NFILZ: variants seen among roughly 807,000 people sequenced by gnomAD.
The protein encoded by NFILZ is NFIL3 like protein.
intron 3 of NFILZ, among the ~76,000 whole-genome samples, chr19:8,673,740 C>T (rs1283001120): frequency 6.6e-6 from 1 of 151,994 alleles, no homozygotes; most frequent in South Asian, 2.1e-4. Context: ...CACTGGAGTC[C>T]CTTCTGTGAC....
At chr19:8,653,038 T>TTCTTTCTTTCTTTCTCTCTCCCTCTCTC (rs1555747925) in intron 3 of NFILZ, among the ~76,000 whole-genome samples, 1 of 90,594 alleles carries the variant, frequency 1.1e-5, no homozygotes, top group Non-Finnish European at 2.2e-5. Context: ...CTTTCTTTCT[T>TTCTTTCTTTCTTTCTCTCTCCCTCTCTC]TCTCTCTCTC....
chr19:8,658,475 A>G lies in NFILZ; in HGVS notation c.-163-16076A>G, dbSNP rs530805369. On this transcript the variant is annotated intron_variant, in intron 3 of 5. Transcript: ENST00000691075. ...TTCCCAAGTGAGGATAACAAAAAACATTGACAACTTTCCCCTGGGTTTAGA... is the reference window on the plus strand; with the variant it reads ...TTCCCAAGTGAGGATAACAAAAAACGTTGACAACTTTCCCCTGGGTTTAGA... Among the ~76,000 whole-genome samples the G allele has an allele frequency of 1.2e-4, 18 of 152,092 alleles. No homozygotes were observed. The South Asian group carries it at 3.1e-3, about 26-fold the overall frequency.
intron 3 of NFILZ, among the ~76,000 whole-genome samples, chr19:8,666,376 A>G (rs1555749789): frequency 6.6e-6 from 1 of 151,288 alleles, no homozygotes; most frequent in Non-Finnish European, 1.5e-5. Context: ...AGGTCTCACT[A>G]TGTTGCCCAG....
chr19:8,653,034 TTCTTTC>T (rs2042975012), intron 3 of NFILZ, among the ~76,000 whole-genome samples: 2 of 57,412 alleles, frequency 3.5e-5, no homozygotes, highest in African/African-American at 1.3e-4. Flanking sequence ...CTTTCTTTCT[TTCTTTC>T]TCTCTCTCTC....
rs782343812 is a variant in NFILZ at position 8,651,708 on chromosome 19, T to G, written c.-164+15962T>G. On this transcript the variant is annotated intron_variant, in intron 3 of 5. Transcript: ENST00000691075. ...CACCATGCCTGGCTAATTTTTAAAC[T>G]TTTAATAGAGATGGGGATCTCACGA... Among the ~76,000 whole-genome samples the G allele has an allele frequency of 6.4e-4, 98 of 152,060 alleles. 2 individuals carry two copies. The highest frequency in any genetic ancestry group is 2.9e-4 in the Non-Finnish European group (20 of 67,992).
At chr19:8,644,558 T>A (rs1274145524) in intron 3 of NFILZ, among the ~76,000 whole-genome samples, 1 of 151,832 alleles carries the variant, frequency 6.6e-6, no homozygotes, top group Non-Finnish European at 1.5e-5. Context: ...CCTCCCATAC[T>A]CAAGAGATCC....
chr19:8,672,187 A>T (rs1165334618), intron 3 of NFILZ, among the ~76,000 whole-genome samples: 1 of 152,176 alleles, frequency 6.6e-6, no homozygotes, highest in Non-Finnish European at 1.5e-5. Flanking sequence ...ATTCTAAAAA[A>T]TAGTCATGCA....
chr19:8,654,421 C>A (rs1160572273), intron 3 of NFILZ, among the ~76,000 whole-genome samples: 1 of 151,636 alleles, frequency 6.6e-6, no homozygotes, highest in Non-Finnish European at 1.5e-5. Flanking sequence ...AGTTCGAGAC[C>A]AGCCTGGGCA....
intron 3 of NFILZ, among the ~76,000 whole-genome samples, chr19:8,662,575 G>A (rs1433719966): frequency 3.3e-5 from 5 of 152,018 alleles, no homozygotes; most frequent in Non-Finnish European, 7.4e-5. Flanking sequence ...GTCCAGTTAC[G>A]TGAGGAGAAG....
intron 3 of NFILZ, among the ~76,000 whole-genome samples, chr19:8,638,230 G>A (rs1458579602): frequency 6.6e-6 from 1 of 152,190 alleles, no homozygotes; most frequent in Non-Finnish European, 1.5e-5. Flanking sequence ...GGCGTCACAC[G>A]CTATGCTGTG....
chr19:8,663,815 G>A (rs1333936930), intron 3 of NFILZ, among the ~76,000 whole-genome samples: 1 of 125,498 alleles, frequency 8.0e-6, no homozygotes, highest in African/African-American at 3.3e-5. Flanking sequence ...GGCCTGAGTG[G>A]GGTCCAGCCA....
chr19:8,671,995 G>A lies in NFILZ; in HGVS notation c.-163-2556G>A, dbSNP rs1211422721. Among the ~76,000 whole-genome samples, 8 of 152,332 alleles carry A rather than the reference G, an allele frequency of 5.3e-5. No homozygotes were observed. The East Asian group carries it at 1.5e-3, about 29-fold the overall frequency. On this transcript the variant is annotated intron_variant, in intron 3 of 5. Transcript: ENST00000691075. ...GAGAGAGGACCCATTCAGGCTCACT[G>A]CACCTCACTGTTATGGGTTCTGCCC...
chr19:8,659,843 AAAG>A (rs1192426010), intron 3 of NFILZ, among the ~76,000 whole-genome samples: 56 of 151,984 alleles, frequency 3.7e-4, no homozygotes, highest in Non-Finnish European at 1.2e-4. Context: ...AGGGGGTGGA[AAAG>A]AAGAATTTCC....
rs540257477 is a variant in NFILZ, at chr19:8,639,964, G to A, written c.-164+4218G>A. On this transcript the variant is annotated intron_variant, in intron 3 of 5. Transcript: ENST00000691075. The stretch of plus-strand genomic sequence containing the variant: ...GGTTGCCATGTTTTGGCTGGGTCCC[G>A]GCTCTTTTGTATAACAGATGTTACC... Among the ~76,000 whole-genome samples, 3 of 152,202 alleles carry A rather than the reference G, an allele frequency of 2.0e-5. No individual in the cohort carries two copies. In the East Asian group the frequency reaches 5.8e-4, roughly 29 times the overall value.
At chr19:8,637,344 C>T (rs1248685563) in intron 3 of NFILZ, among the ~76,000 whole-genome samples, 1 of 151,908 alleles carries the variant, frequency 6.6e-6, no homozygotes, top group African/African-American at 2.4e-5. Flanking sequence ...AAACCAAAAC[C>T]AAACCAAAAC....
At position 8,654,797 on chromosome 19, in the gene NFILZ, C is replaced by A. The variant is rs567073684; in HGVS notation, c.-164+19051C>A. Among the ~76,000 whole-genome samples, 3 of 152,314 alleles carry A rather than the reference C, an allele frequency of 2.0e-5. No homozygotes were observed. In the South Asian group the frequency reaches 6.2e-4, roughly 32 times the overall value. On this transcript the variant is annotated intron_variant, in intron 3 of 5. Coordinates refer to ENST00000691075, the MANE Select transcript of NFILZ (RefSeq NM_001378600.1). ...TCTGCAGGGTGAATCTCAACCCCAG[C>A]CCCGCCTCGGGGTCGCACCTCAGGA...
At chr19:8,676,285 G>A (rs1216042996) in intron 4 of NFILZ, among the ~76,000 whole-genome samples, 74 bp from the exon 5 acceptor site, 1 of 152,184 alleles carries the variant, frequency 6.6e-6, no homozygotes, top group Non-Finnish European at 1.5e-5. Flanking sequence ...GCACAGTTTA[G>A]GTGAATAGCA....
Position 8,680,434 on chromosome 19 carries a change from C to T in NFILZ, c.*2799C>T, listed in dbSNP as rs919972328. Among the ~76,000 whole-genome samples the T allele has an allele frequency of 6.6e-6, 1 of 152,084 alleles. No individual in the cohort carries two copies. Among genetic ancestry groups the T allele is most frequent in the Non-Finnish European group, 1.5e-5 (1 of 68,032 alleles). ...TTGTAAAAAGTCTGAAAATCATATGCAGCCGAGTTGGCAGTCTTTTCTTTT... is the reference window on the plus strand; with the variant it reads ...TTGTAAAAAGTCTGAAAATCATATGTAGCCGAGTTGGCAGTCTTTTCTTTT... On this transcript the variant is annotated 3_prime_UTR_variant, in exon 6 of 6. Transcript: ENST00000691075.
chr19:8,650,951 A>G (rs1216390426), intron 3 of NFILZ, among the ~76,000 whole-genome samples: 1 of 151,928 alleles, frequency 6.6e-6, no homozygotes, highest in Non-Finnish European at 1.5e-5. Context: ...ACATAAGCGG[A>G]TTTAATTATC....
Sources: allele counts gnomAD v4.1 joint callset (sites outside exome capture counted in the v4.1 genomes callset), GRCh38; gene constraint gnomAD v4.1.1; transcripts MANE v1.5; gene names NCBI Gene and HGNC (gene_info 2026-07-23, HGNC 2026-07-21).